OCRL: variants seen among roughly 807,000 people sequenced by gnomAD.
OCRL encodes inositol polyphosphate 5-phosphatase OCRL.
In OCRL, 8 loss-of-function variants were observed where a neutral mutation model predicts 78.9. The observed-to-expected ratio is 0.10, with a 90% CI of 0.06 to 0.18. The LOEUF (loss-of-function observed/expected upper bound fraction) is 0.18, where lower values mean the gene tolerates loss of function less well. OCRL is among the 10% of genes least tolerant of loss of function. The pLI is 1.00. For synonymous variants in OCRL, 240 were observed against 235.4 expected (o/e 1.02, Z -0.18); for missense variants, 454 against 696.7 (o/e 0.65, Z 3.92).
intron 18 of OCRL, among the ~76,000 whole-genome samples, chrX:129,582,836 T>C (rs1038368660): frequency 1.2e-4 from 13 of 111,480 alleles, no homozygotes; most frequent in African/African-American, 3.3e-4. Flanking sequence ...CATTCAGTAT[T>C]ACCACTAGGA....
intron 4 of OCRL, among the ~76,000 whole-genome samples, chrX:129,556,425 T>G (rs1231813837): frequency 1.8e-5 from 2 of 111,652 alleles, no homozygotes; most frequent in Non-Finnish European, 3.8e-5. Context: ...AGTGCTGGGT[T>G]CGCTGTATGT....
Position 129,557,453 on chromosome X carries a change from G to A in OCRL, c.349+18G>A, listed in dbSNP as rs1472628731. ...TCAGAAAGGTAACTAAAGACTCAGC[G>A]ATTTTCTTTCTTCTATTTCAACGGG... On this transcript the variant is annotated intron_variant, in intron 5 of 23. Coordinates refer to ENST00000371113, the MANE Select transcript of OCRL (RefSeq NM_000276.4). 2 of 1,165,764 alleles carry A rather than the reference G, an allele frequency of 1.7e-6. No homozygotes were observed. Among genetic ancestry groups the A allele is most frequent in the South Asian group, 1.8e-5 (1 of 55,340 alleles).
In OCRL at chrX:129,587,006, A is replaced by G. The variant is rs1936519689; in HGVS notation, c.2144A>G (p.Lys715Arg). The G allele has an allele frequency of 1.2e-5, 14 of 1,187,469 alleles. No individual in the cohort carries two copies. Among genetic ancestry groups the G allele is most frequent in the Non-Finnish European group, 1.6e-5 (14 of 873,247 alleles). Reference sequence around the variant, plus strand: ...TCATACTTTTCCATCTATTAGGAGAAATCCCTTCTGCAAATGGTTCCTTTG... The same window carrying G: ...TCATACTTTTCCATCTATTAGGAGAGATCCCTTCTGCAAATGGTTCCTTTG... ...LEEDSFLEKE[K>R]SLLQMVPLDE... The change falls in exon 20 of 24, where the codon AAA becomes AGA. Residue 715 changes from lysine to arginine, a missense_variant. Physicochemically the swap from Lys to Arg is conservative, Grantham distance 26. Around this residue, in one of 2 missense-constraint regions of OCRL, gnomAD observed 277 missense variants for 517.1 expected, o/e 0.54. Coordinates refer to ENST00000371113, the MANE Select transcript of OCRL (RefSeq NM_000276.4).
chrX:129,572,473 A>C lies in OCRL; in HGVS notation c.1603-2667A>C, dbSNP rs997982184. Among the ~76,000 whole-genome samples, 3 of 112,944 alleles carry C rather than the reference A, an allele frequency of 2.7e-5. No homozygotes were observed. In the East Asian group the frequency reaches 8.3e-4, roughly 31 times the overall value. On this transcript the variant is annotated intron_variant, in intron 15 of 23. Coordinates refer to ENST00000371113, the MANE Select transcript of OCRL (RefSeq NM_000276.4). ...TGATCATGATAACCCGCTGAGAAAA[A>C]GTTTGATTTTATTGAGTAATCACCC...
At chrX:129,589,768 T>C (rs2072884669) in intron 22 of OCRL, 77 bp from the exon 23 acceptor site, 4 of 683,219 alleles carry the variant, frequency 5.9e-6, no homozygotes, top group Non-Finnish European at 7.2e-6. Context: ...TAGACTACTA[T>C]TACAGCAGCT....
chrX:129,540,662 G>GCGGGGGAGGGCGGCGGTGGGGGGGGC, intron 1 of OCRL, 82 bp from the exon 2 acceptor site: 2 of 812,404 alleles, frequency 2.5e-6, no homozygotes, highest in Non-Finnish European at 1.8e-6. Context: ...GGTGGGGGGG[G>GCGGGGGAGGGCGGCGGTGGGGGGGGC]GGTGGAAGAC....
rs188211065 is a variant in OCRL, at chrX:129,553,563, C to T, written c.239-3762C>T. 3.6e-5 allele frequency among the ~76,000 whole-genome samples: 4 copies of T among 112,027 alleles called. No individual in the cohort carries two copies. In the East Asian group the frequency reaches 1.1e-3, roughly 31 times the overall value. ...TGTCTAGGGATTAGTTGTAAGATTA[C>T]TGAGAGAATCAGAGGGGTTGTAATT... On this transcript the variant is annotated intron_variant, in intron 4 of 23. Coordinates refer to ENST00000371113, the MANE Select transcript of OCRL (RefSeq NM_000276.4).
At chrX:129,589,178 T>C in intron 22 of OCRL, 165 bp downstream of exon 22, 2 of 558,051 alleles carry the variant, frequency 3.6e-6, no homozygotes, top group Admixed American at 5.5e-5. Context: ...AAATTTTAGG[T>C]TGTGTTGTTT....
At chrX:129,560,318 T>G in intron 8 of OCRL, among the ~76,000 whole-genome samples, 1 of 112,767 alleles carries the variant, frequency 8.9e-6, no homozygotes, top group Middle Eastern at 4.6e-3. Flanking sequence ...TTTTTAAAAA[T>G]AAAGACTTGG....
At chrX:129,548,181 G>C (rs927765125) in intron 3 of OCRL, among the ~76,000 whole-genome samples, 9 of 111,928 alleles carry the variant, frequency 8.0e-5, no homozygotes, top group African/African-American at 2.9e-4. Flanking sequence ...TTTGCCTTCT[G>C]TTATCTAAAG....
At chrX:129,575,066 A>T (rs1936351048) in intron 15 of OCRL, 74 bp from the exon 16 acceptor site, 1 of 731,306 alleles carries the variant, frequency 1.4e-6, no homozygotes, top group African/African-American at 2.1e-5. Flanking sequence ...GACCAGTTTT[A>T]AATTGTTAGA....
intron 2 of OCRL, among the ~76,000 whole-genome samples, chrX:129,542,807 T>C (rs1268327331): frequency 1.8e-5 from 2 of 111,825 alleles, no homozygotes; most frequent in East Asian, 5.6e-4. Flanking sequence ...CATATTCTTG[T>C]CTCTCTGGTG....
chrX:129,575,443 G>A (rs779651081), intron 16 of OCRL, among the ~76,000 whole-genome samples, 193 bp downstream of exon 16: 2 of 111,949 alleles, frequency 1.8e-5, no homozygotes, highest in Non-Finnish European at 3.8e-5. Context: ...GCTCAGAGCC[G>A]CAGTTTCCTT....
chrX:129,584,348 A>G lies in OCRL; in HGVS notation c.2120A>G (p.Glu707Gly). The change falls in exon 19 of 24, where the codon GAA becomes GGA. Residue 707 changes from glutamate (E) to glycine (G), a missense_variant. Around this residue, in one of 2 missense-constraint regions of OCRL, gnomAD observed 277 missense variants for 517.1 expected, o/e 0.54. Coordinates refer to ENST00000371113, the MANE Select transcript of OCRL (RefSeq NM_000276.4). ...VPVTKLIDLE[E>G]DSFLEKEKSL... ...CTTTTCCTGCTCCGCTCTCAGGAAG[A>G]AGACAGCTTCCTAGAAAAGGTAATG... 2 of 1,208,673 alleles carry G rather than the reference A, an allele frequency of 1.7e-6. No individual in the cohort carries two copies. The highest frequency in any genetic ancestry group is 2.2e-6 in the Non-Finnish European group (2 of 892,687).
rs748186190 is a variant in OCRL, at chrX:129,576,503, G to A, written c.2066G>A (p.Arg689His). Residue 689 changes from arginine to histidine, a missense_variant, in exon 18 of 24, where the codon CGT becomes CAT. Transcript: ENST00000371113. Reference protein sequence around the residue: ...CFGTSLEALCRMKRPIREVPV... With the variant: ...CFGTSLEALCHMKRPIREVPV... Reference sequence around the variant, plus strand: ...GGCACATCCTTAGAGGCTCTGTGCCGTATGAAAAGACCAATCCGAGAAGTT... The same window carrying A: ...GGCACATCCTTAGAGGCTCTGTGCCATATGAAAAGACCAATCCGAGAAGTT... 55 of 1,209,376 alleles carry A rather than the reference G, an allele frequency of 4.5e-5. No homozygotes were observed. Among genetic ancestry groups the A allele is most frequent in the East Asian group, 5.9e-5 (2 of 33,794 alleles).
Position 129,569,384 on chromosome X carries a change from C to G in OCRL, c.1587C>G (p.Ala529=), listed in dbSNP as rs375634816. The change falls in exon 15 of 24, where the codon GCC becomes GCG. Residue 529 remains alanine, a synonymous_variant. Transcript: ENST00000371113. ...LKTSDHKPVS[A]LFHIGVKVVD... is the part of the protein sequence containing the mutation. Reference sequence around the variant, plus strand: ...CCAGCGACCACAAGCCTGTTAGCGCCCTCTTCCATATTGGGGTAAACACTT... The same window carrying G: ...CCAGCGACCACAAGCCTGTTAGCGCGCTCTTCCATATTGGGGTAAACACTT... 23 of 1,209,178 alleles carry G rather than the reference C, an allele frequency of 1.9e-5. No individual in the cohort carries two copies. In the African/African-American group the frequency reaches 3.8e-4, roughly 20 times the overall value.
chrX:129,560,532 T>G lies in OCRL; in HGVS notation c.723-18T>G. 9.4e-7 allele frequency: 1 copy of G among 1,065,309 alleles called. No individual in the cohort carries two copies. Among genetic ancestry groups the G allele is most frequent in the Non-Finnish European group, 1.3e-6 (1 of 764,079 alleles). 87.8% of individuals were successfully genotyped at this position (1,065,309 alleles called of 1,213,427 possible). On this transcript the variant is annotated intron_variant, in intron 8 of 23. Coordinates refer to ENST00000371113, the MANE Select transcript of OCRL (RefSeq NM_000276.4). ...CTTGATCTTTGTTTTCAAATTATCT[T>G]TTCGTATTATGTATTAGATTTTTTG...
intron 1 of OCRL, 82 bp downstream of exon 1, chrX:129,540,560 G>C: frequency 9.5e-7 from 1 of 1,055,584 alleles, no homozygotes; most frequent in Non-Finnish European, 1.3e-6. Context: ...ACGGTGGGGC[G>C]GGGCAACCGG....
chrX:129,584,370 A>G lies in OCRL; in HGVS notation c.2139+3A>G. On this transcript the variant is annotated splice_donor_region_variant and intron_variant, in intron 19 of 23. Coordinates refer to ENST00000371113, the MANE Select transcript of OCRL (RefSeq NM_000276.4). ...AAGAAGACAGCTTCCTAGAAAAGGT[A>G]ATGCAATCCATTGGTGGTTATGAGA... is the stretch of plus-strand genomic sequence containing the variant. The G allele has an allele frequency of 8.3e-7, 1 of 1,205,552 alleles. No homozygotes were observed. Among genetic ancestry groups the G allele is most frequent in the South Asian group, 1.8e-5 (1 of 56,845 alleles).
Sources: allele counts gnomAD v4.1 joint callset (sites outside exome capture counted in the v4.1 genomes callset), GRCh38; gene constraint gnomAD v4.1.1; regional missense constraint gnomAD v4.1.1; transcripts MANE v1.5; gene names NCBI Gene and HGNC (gene_info 2026-07-23, HGNC 2026-07-21).